The following RAD54L variants were observed in gnomAD, a reference collection of about 807,000 sequenced individuals.
RAD54L encodes RAD54 like.
Under a neutral mutation model 91.6 loss-of-function variants are expected in RAD54L, and 74 were observed. That is an observed-to-expected ratio of 0.81 (90% CI 0.67 to 0.98). RAD54L has a LOEUF of 0.98. Among genes scored for constraint, RAD54L ranks in the 50% least tolerant of loss-of-function variants. The probability of loss-of-function intolerance (pLI) is 0.00; values close to 1 mark genes in which losing one functional copy is unlikely to be tolerated. For missense variants in RAD54L, 887 were observed against 945.7 expected (o/e 0.94, Z 0.81); for synonymous variants, 304 against 349.7 (o/e 0.87, Z 1.46).
At chr1:46,278,012 C>G (rs1305187640) in intron 17 of RAD54L, 32 bp downstream of exon 17, 1 of 1,614,164 alleles carries the variant, frequency 6.2e-7, no homozygotes, top group Non-Finnish European at 8.5e-7. Context: ...TATCTCTAAG[C>G]TACCCACACA....
intron 4 of RAD54L, 44 bp downstream of exon 4, chr1:46,258,790 G>T (rs72899081): frequency 7.1e-7 from 1 of 1,402,932 alleles, no homozygotes; most frequent in Non-Finnish European, 1.0e-6. Flanking sequence ...TCATATGTAC[G>T]TGTGCCTGAA....
At position 46,274,067 on chromosome 1, in the gene RAD54L, T is replaced by A. The variant is rs28363242; in HGVS notation, c.1611-71T>A. On this transcript the variant is annotated intron_variant, in intron 14 of 17. Transcript: ENST00000371975. The stretch of plus-strand genomic sequence containing the variant: ...GCTTTCTTGGGTCTTTTTAAAAAAA[T>A]TTTTATTTTTAATTTTTTTTCCCCC... The A allele has an allele frequency of 5.4e-3, 7,886 of 1,459,536 alleles. 240 individuals carry two copies. In the African/African-American group the frequency reaches 0.077, roughly 14 times the overall value. The allele number at this position is 1,459,536 out of a possible 1,614,324, so 90.4% of individuals were successfully genotyped here. A position where few individuals can be genotyped will look rare whatever the true frequency, so the allele number is the denominator to read the frequency against.
intron 16 of RAD54L, among the ~76,000 whole-genome samples, chr1:46,275,395 T>C (rs1569619205): frequency 6.6e-6 from 1 of 152,330 alleles, no homozygotes; most frequent in Non-Finnish European, 1.5e-5. Context: ...AGCTTTCACA[T>C]ACCTGCTGTA....
rs1368949795 is a variant in RAD54L at position 46,267,510 on chromosome 1, T to C, written c.943T>C (p.Leu315=). 6.2e-7 allele frequency: 1 copy of C among 1,614,064 alleles called. No individual in the cohort carries two copies. Among genetic ancestry groups the C allele is most frequent in the East Asian group, 2.2e-5 (1 of 44,886 alleles). Residue 315 remains leucine, a synonymous_variant, in exon 9 of 18, where the codon TTG becomes CTG. Transcript: ENST00000371975. ...ENQTYQALDS[L]NTSRRVLISG... ...TCAGACTTACCAAGCCCTGGACAGC[T>C]TGAACACCAGCCGGCGGGTGCTCAT...
chr1:46,272,897 A>C, intron 12 of RAD54L, 95 bp downstream of exon 12: 1 of 1,535,956 alleles, frequency 6.5e-7, no homozygotes, highest in Non-Finnish European at 8.9e-7. Flanking sequence ...AAACTCGTCC[A>C]GAGTCATCCT....
At chr1:46,255,480 G>T (rs1659914405) in intron 3 of RAD54L, among the ~76,000 whole-genome samples, 1 of 148,200 alleles carries the variant, frequency 6.7e-6, no homozygotes, top group Non-Finnish European at 1.5e-5. Flanking sequence ...GATCCCTGAA[G>T]GTTGGCCATT....
intron 3 of RAD54L, among the ~76,000 whole-genome samples, chr1:46,257,336 C>A (rs1216642803): frequency 6.6e-6 from 1 of 151,874 alleles, no homozygotes; most frequent in Admixed American, 6.6e-5. Context: ...CTAATATATT[C>A]CCATTAAAAC....
At chr1:46,268,510 A>G (rs969008577) in intron 9 of RAD54L, among the ~76,000 whole-genome samples, 6 of 152,140 alleles carry the variant, frequency 3.9e-5, no homozygotes, top group Non-Finnish European at 2.9e-5. Context: ...ATGAATTACT[A>G]ACACTCTCTC....
rs1659697858 is a variant in RAD54L, at chr1:46,248,117, G to GACTC, written c.-288_-285dup. The GACTC allele has an allele frequency of 1.9e-6, 1 of 531,770 alleles. No individual in the cohort carries two copies. Among genetic ancestry groups the GACTC allele is most frequent in the African/African-American group, 1.9e-5 (1 of 51,708 alleles). 32.9% of individuals were successfully genotyped at this position (531,770 alleles called of 1,614,324 possible). On this transcript the variant is annotated 5_prime_UTR_variant, in exon 1 of 18. Coordinates refer to ENST00000371975, the MANE Select transcript of RAD54L (RefSeq NM_003579.4). ...CCCCACTCCACTCCGCCCAGTCTGG[G>GACTC]ACTCCACCTGCCTCCTCCCCAATCC...
In RAD54L at chr1:46,249,891, A is replaced by G. The variant is rs568772240; in HGVS notation, c.91-109A>G. 4 of 1,211,400 alleles carry G rather than the reference A, an allele frequency of 3.3e-6. No individual in the cohort carries two copies. The South Asian group carries it at 5.0e-5, about 15-fold the overall frequency. 75.0% of individuals were successfully genotyped at this position (1,211,400 alleles called of 1,614,324 possible). On this transcript the variant is annotated intron_variant, in intron 2 of 17. Coordinates refer to ENST00000371975, the MANE Select transcript of RAD54L (RefSeq NM_003579.4). The stretch of plus-strand genomic sequence containing the variant: ...AAGATGATACACTATGACATGTGTG[A>G]AGAATTTAGCACAGTGCCTGGCACT...
intron 3 of RAD54L, among the ~76,000 whole-genome samples, chr1:46,250,980 A>C (rs907004767): frequency 4.1e-5 from 6 of 146,084 alleles, no homozygotes; most frequent in East Asian, 2.1e-4. Flanking sequence ...AAAAAAAAAA[A>C]CAAAAAACAA....
At chr1:46,262,793 C>T (rs1458435029) in intron 8 of RAD54L, among the ~76,000 whole-genome samples, 1 of 152,082 alleles carries the variant, frequency 6.6e-6, no homozygotes, top group African/African-American at 2.4e-5. Context: ...CCAAGCTTAG[C>T]TTTTCCCTTT....
chr1:46,277,436 T>G (rs1473463578), intron 16 of RAD54L: 1 of 322,746 alleles, frequency 3.1e-6, no homozygotes, highest in African/African-American at 2.1e-5. Flanking sequence ...CTTTTTTGTA[T>G]GCTAATGTCA....
At chr1:46,268,960 C>G (rs1265029534) in intron 9 of RAD54L, among the ~76,000 whole-genome samples, 1 of 152,062 alleles carries the variant, frequency 6.6e-6, no homozygotes, top group Non-Finnish European at 1.5e-5. Context: ...GAGATGGGGT[C>G]TCATATGTTG....
rs746819393 is a variant in RAD54L at position 46,272,770 on chromosome 1, C to G, written c.1343C>G (p.Ser448Cys). Reference sequence around the variant, plus strand: ...GGCAAGATGAGTGTGTCTTCCCTTTCTTCCATCACCTCGCTAAAGAAGCTT... The same window carrying G: ...GGCAAGATGAGTGTGTCTTCCCTTTGTTCCATCACCTCGCTAAAGAAGCTT... ...LEGKMSVSSL[S>C]SITSLKKLCN... The change falls in exon 12 of 18, where the codon TCT becomes TGT. Residue 448 changes from serine (S) to cysteine (C), a missense_variant. Physicochemically the swap from Ser to Cys is moderately radical, Grantham distance 112. Transcript: ENST00000371975. The G allele has an allele frequency of 6.2e-7, 1 of 1,614,192 alleles. No homozygotes were observed.
chr1:46,272,790 A>C lies in RAD54L; in HGVS notation c.1363A>C (p.Lys455Gln), dbSNP rs371977502. Residue 455 changes from lysine to glutamine, a missense_variant, in exon 12 of 18, where the codon AAG (lysine) becomes CAG (glutamine). Transcript: ENST00000371975. ...SSLSSITSLK[K>Q]LCNHPALIYD... ...CCTTTCTTCCATCACCTCGCTAAAGAAGCTTTGTAATCGTGAGTTGGGCTT... is the reference window on the plus strand; with the variant it reads ...CCTTTCTTCCATCACCTCGCTAAAGCAGCTTTGTAATCGTGAGTTGGGCTT... 39 of 1,614,024 alleles carry C rather than the reference A, an allele frequency of 2.4e-5. No individual in the cohort carries two copies. The highest frequency in any genetic ancestry group is 6.7e-5 in the East Asian group (3 of 44,890).
chr1:46,273,498 C>G, intron 13 of RAD54L, 33 bp downstream of exon 13: 1 of 1,610,720 alleles, frequency 6.2e-7, no homozygotes, highest in Non-Finnish European at 8.5e-7. Context: ...TTGGGCTTCT[C>G]TAGGAGGAGG....
chr1:46,248,165 C>G lies in RAD54L; in HGVS notation c.-241C>G, dbSNP rs1659698986. 1.6e-6 allele frequency: 1 copy of G among 632,346 alleles called. No homozygotes were observed. The highest frequency in any genetic ancestry group is 2.3e-5 in the Admixed American group (1 of 42,828). The allele number at this position is 632,346 out of a possible 1,614,324, so 39.2% of individuals were successfully genotyped here. On this transcript the variant is annotated 5_prime_UTR_variant, in exon 1 of 18. Coordinates refer to ENST00000371975, the MANE Select transcript of RAD54L (RefSeq NM_003579.4). The stretch of plus-strand genomic sequence containing the variant: ...TCCCACACTAATCTCTGCTTGGTCT[C>G]TTCCTCTTTGGCCTAATCTCTCGTC...
At chr1:46,276,101 T>C (rs1660591842) in intron 16 of RAD54L, among the ~76,000 whole-genome samples, 2 of 152,238 alleles carry the variant, frequency 1.3e-5, no homozygotes, top group Admixed American at 1.3e-4. Context: ...TTTCTACCAC[T>C]TAATCTACAT....
Sources: gnomAD v4.1 joint callset for allele counts (sites outside exome capture counted in the v4.1 genomes callset) on GRCh38, gnomAD v4.1.1 for gene constraint, MANE v1.5 for transcripts, NCBI Gene and HGNC (gene_info 2026-07-23, HGNC 2026-07-21) for gene names.